The following KALRN variants were observed in gnomAD, a reference collection of about 807,000 sequenced individuals.
KALRN encodes the protein kalirin.
Under a neutral mutation model 353.7 loss-of-function variants are expected in KALRN, and 70 were observed. The ratio of observed to expected loss-of-function variants is 0.20; its 90% CI spans 0.16 to 0.24. KALRN has a LOEUF of 0.24. Ranked by LOEUF, KALRN falls within the 10% of genes least tolerant of loss-of-function variation. The pLI is 1.00. For missense variants in KALRN, 2,791 were observed against 3,756.7 expected, an observed-to-expected ratio of 0.74 and a Z score of 6.72; for synonymous variants, 1,391 against 1,434.8, an observed-to-expected ratio of 0.97 and a Z score of 0.69.
chr3:124,039,241 C>A lies in KALRN; in HGVS notation c.73+5428C>A, dbSNP rs1381963097. Among the ~76,000 whole-genome samples the A allele has an allele frequency of 5.3e-5, 8 of 152,326 alleles. No individual in the cohort carries two copies. The East Asian group carries it at 1.5e-3, about 29-fold the overall frequency. ...CAACCACCCCGGCACCCTCCAAATCCAACACAGTCTTTAAGACTTGATCCC... is the reference window on the plus strand; with the variant it reads ...CAACCACCCCGGCACCCTCCAAATCAAACACAGTCTTTAAGACTTGATCCC... On this transcript the variant is annotated intron_variant, in intron 1 of 59. Transcript: ENST00000682506.
intron 30 of KALRN, 90 bp downstream of exon 30, chr3:124,490,974 TC>T (rs991624722): frequency 3.3e-6 from 4 of 1,197,278 alleles, no homozygotes; most frequent in African/African-American, 3.0e-5. Flanking sequence ...TCTCATCTCC[TC>T]CCCGGCCTCC....
rs2090039903 is a variant in KALRN at position 124,395,459 on chromosome 3, T to G, written c.2171+116T>G. 6 of 762,470 alleles carry G rather than the reference T, an allele frequency of 7.9e-6. No individual in the cohort carries two copies. The South Asian group carries it at 1.0e-4, about 13-fold the overall frequency. 47.2% of individuals were successfully genotyped at this position (762,470 alleles called of 1,614,324 possible). A position where few individuals can be genotyped will look rare whatever the true frequency, so the allele number is the denominator to read the frequency against. On this transcript the variant is annotated intron_variant, in intron 12 of 59. Coordinates refer to ENST00000682506, the MANE Select transcript of KALRN (RefSeq NM_001388419.1). ...TTGTGGTCTTGTGTGAGCTTCGGTT[T>G]CTTTATCTGTAAGATGTAAAAATGC...
chr3:124,223,437 A>G (rs1204402288), intron 1 of KALRN, among the ~76,000 whole-genome samples: 1 of 152,194 alleles, frequency 6.6e-6, no homozygotes, highest in Non-Finnish European at 1.5e-5. Flanking sequence ...GAGAAGGCAG[A>G]AACCTGAGCA....
intron 10 of KALRN, among the ~76,000 whole-genome samples, chr3:124,368,102 A>C (rs1392868288): frequency 1.5e-3 from 29 of 19,222 alleles, no homozygotes; most frequent in South Asian, 2.5e-3. Flanking sequence ...TGACCCCCCC[A>C]CCTCCCTCCC....
intron 33 of KALRN, among the ~76,000 whole-genome samples, chr3:124,499,158 G>C (rs1321922860): frequency 1.3e-5 from 2 of 152,080 alleles, no homozygotes. Flanking sequence ...AGTAGATGAG[G>C]AAAGCATAAC....
At chr3:124,516,145 G>A (rs1321129807) in intron 33 of KALRN, among the ~76,000 whole-genome samples, 1 of 152,178 alleles carries the variant, frequency 6.6e-6, no homozygotes, top group Non-Finnish European at 1.5e-5. Flanking sequence ...GGTCCTCAGG[G>A]ACAGGATAGA....
intron 31 of KALRN, 100 bp from the exon 32 acceptor site, chr3:124,492,640 C>A: frequency 8.0e-7 from 1 of 1,248,432 alleles, no homozygotes. Context: ...CATTTGGAAT[C>A]CTTGAAAATA....
intron 1 of KALRN, among the ~76,000 whole-genome samples, chr3:124,206,753 A>G (rs542707069): frequency 8.7e-4 from 132 of 152,358 alleles, no homozygotes; most frequent in African/African-American, 3.0e-3. Flanking sequence ...TTTAGTCAAC[A>G]CTTGAAATTG....
intron 1 of KALRN, among the ~76,000 whole-genome samples, chr3:124,181,804 G>A (rs947693852): frequency 1.3e-5 from 2 of 152,170 alleles, no homozygotes; most frequent in Non-Finnish European, 2.9e-5. Context: ...GGAGGGACAG[G>A]AGCACAGCAT....
intron 1 of KALRN, chr3:124,094,780 G>A (rs373244067): frequency 1.4e-6 from 2 of 1,449,526 alleles, no homozygotes; most frequent in East Asian, 2.3e-5. Flanking sequence ...TCGAGTCAGC[G>A]GTGGTGGGAT....
At chr3:124,105,690 A>C (rs1421451862) in intron 1 of KALRN, among the ~76,000 whole-genome samples, 2 of 152,174 alleles carry the variant, frequency 1.3e-5, no homozygotes, top group Non-Finnish European at 2.9e-5. Context: ...CAGCACCTCA[A>C]TGAGAAGAAA....
intron 1 of KALRN, among the ~76,000 whole-genome samples, chr3:124,038,130 AT>A (rs1254520464): frequency 6.6e-6 from 1 of 152,138 alleles, no homozygotes; most frequent in Non-Finnish European, 1.5e-5. Flanking sequence ...TGGGGTAGAA[AT>A]TCTTATTGCA....
intron 21 of KALRN, among the ~76,000 whole-genome samples, chr3:124,448,303 A>G (rs982032217): frequency 2.0e-5 from 3 of 151,734 alleles, no homozygotes; most frequent in Admixed American, 2.0e-4. Context: ...CTTCCTTCCA[A>G]TCCACCCTGT....
At chr3:124,303,752 C>T (rs953132780) in intron 6 of KALRN, among the ~76,000 whole-genome samples, 2 of 152,164 alleles carry the variant, frequency 1.3e-5, no homozygotes, top group Non-Finnish European at 2.9e-5. Flanking sequence ...CGGGAGGAAT[C>T]CTTTCTGCTG....
chr3:124,585,763 G>C (rs1343942600), intron 34 of KALRN, among the ~76,000 whole-genome samples: 3 of 152,206 alleles, frequency 2.0e-5, no homozygotes, highest in Admixed American at 1.3e-4. Flanking sequence ...GTAGAAATGA[G>C]AATGTAGCCC....
rs1253147306 is a variant in KALRN, at chr3:124,385,143, T to C, written c.1962+107T>C. The C allele has an allele frequency of 9.0e-6, 8 of 893,038 alleles. No individual in the cohort carries two copies. The East Asian group carries it at 1.9e-4, about 21-fold the overall frequency. 55.3% of individuals were successfully genotyped at this position (893,038 alleles called of 1,614,324 possible). A position where few individuals can be genotyped will look rare whatever the true frequency, so the allele number is the denominator to read the frequency against. On this transcript the variant is annotated intron_variant, in intron 11 of 59. Coordinates refer to ENST00000682506, the MANE Select transcript of KALRN (RefSeq NM_001388419.1). ...ACCAGGGTCCTGGGTAGTCTGGGGG[T>C]TACTAACTTCCTAACTTTGGTAATA...
At chr3:124,284,688 A>G (rs1056146514) in intron 5 of KALRN, among the ~76,000 whole-genome samples, 3 of 152,214 alleles carry the variant, frequency 2.0e-5, no homozygotes, top group Non-Finnish European at 4.4e-5. Flanking sequence ...ACGAGTGCTC[A>G]ATAAGTGAAT....
At chr3:124,292,664 G>A (rs1431365830) in intron 5 of KALRN, among the ~76,000 whole-genome samples, 2 of 152,168 alleles carry the variant, frequency 1.3e-5, no homozygotes, top group African/African-American at 2.4e-5. Context: ...GCATGTCTAG[G>A]TGGGTGGGCG....
intron 49 of KALRN, chr3:124,675,359 A>C (rs935229811): frequency 6.6e-6 from 1 of 152,178 alleles, no homozygotes; most frequent in Non-Finnish European, 1.5e-5. Context: ...CTGTAATGTA[A>C]CTAATCAGTT....
Sources: allele counts gnomAD v4.1 joint callset (sites outside exome capture counted in the v4.1 genomes callset), GRCh38; gene constraint gnomAD v4.1.1; transcripts MANE v1.5; gene names NCBI Gene and HGNC (gene_info 2026-07-23, HGNC 2026-07-21).